The following FGGY variants were observed in gnomAD, a reference collection of about 807,000 sequenced individuals.
FGGY encodes FGGY carbohydrate kinase domain-containing protein.
A neutral mutation model predicts 71.3 loss-of-function variants in FGGY; 72 were observed. The observed-to-expected ratio is 1.01, with a 90% CI of 0.84 to 1.23. FGGY has a LOEUF of 1.23. Among genes scored for constraint, FGGY ranks in the 50% most tolerant of loss-of-function variants. The pLI, the probability that FGGY is intolerant of heterozygous loss-of-function variation, is 0.00. For synonymous variants in FGGY, 251 were observed against 250.3 expected (o/e 1.00, Z -0.02); for missense variants, 668 against 682.3 (o/e 0.98, Z 0.23).
chr1:59,507,910 C>A (rs72915688), intron 6 of FGGY, among the ~76,000 whole-genome samples: 2,787 of 152,128 alleles, frequency 0.018, 98 homozygotes, highest in African/African-American at 0.065. Context: ...TGCCTGGCCA[C>A]GCCTGAAGCC....
At chr1:59,475,585 G>A (rs918506573) in intron 6 of FGGY, among the ~76,000 whole-genome samples, 2 of 152,194 alleles carry the variant, frequency 1.3e-5, no homozygotes, top group African/African-American at 4.8e-5. Flanking sequence ...AGTAGAAGGT[G>A]TCACAATTCT....
At chr1:59,649,794 A>G (rs1428399284) in intron 11 of FGGY, among the ~76,000 whole-genome samples, 3 of 142,312 alleles carry the variant, frequency 2.1e-5, no homozygotes, top group Non-Finnish European at 3.0e-5. Context: ...TGTGTTGAAT[A>G]GGAGTGGTGA....
Position 59,674,112 on chromosome 1 carries a change from AG to A in FGGY, c.1495del (p.Asp499IlefsTer12), listed in dbSNP as rs2097410191. Reference sequence around the variant, plus strand: ...CTGCTGTTCTGGGTGCCTGTGCCTCAGGGGATTTCGCTTCTGTACAGGTATG... The same window carrying A: ...CTGCTGTTCTGGGTGCCTGTGCCTCAGGGATTTCGCTTCTGTACAGGTATG... ...GAAVLGACASGDFASVQEAMA... is the reference protein window; with the variant it reads ...GAAVLGACASXDFASVQEAMA... On this transcript the variant is annotated frameshift_variant, in exon 14 of 16. Transcript: ENST00000303721. LOFTEE classifies it high-confidence loss of function. The A allele has an allele frequency of 6.2e-7, 1 of 1,613,828 alleles. No homozygotes were observed.
intron 8 of FGGY, among the ~76,000 whole-genome samples, chr1:59,596,267 C>T (rs1168064360): frequency 6.6e-6 from 1 of 151,152 alleles, no homozygotes; most frequent in African/African-American, 2.4e-5. Flanking sequence ...GGAAAAGATA[C>T]CACCAAAATG....
intron 8 of FGGY, among the ~76,000 whole-genome samples, chr1:59,571,067 G>A (rs1393730343): frequency 6.6e-6 from 1 of 152,140 alleles, no homozygotes; most frequent in African/African-American, 2.4e-5. Flanking sequence ...CCCATCTGTG[G>A]ACCCCTGGGT....
At chr1:59,464,052 C>G (rs1047327504) in intron 6 of FGGY, among the ~76,000 whole-genome samples, 5 of 152,324 alleles carry the variant, frequency 3.3e-5, no homozygotes, top group Middle Eastern at 3.4e-3. Context: ...CCCTAATCAA[C>G]AGAATATATG....
intron 1 of FGGY, among the ~76,000 whole-genome samples, chr1:59,311,041 T>G (rs2044221528): frequency 6.6e-6 from 1 of 152,146 alleles, no homozygotes; most frequent in Admixed American, 6.5e-5. Flanking sequence ...GTAGGATTTA[T>G]CGTGACATCA....
chr1:59,585,634 C>A (rs36184342), intron 8 of FGGY, among the ~76,000 whole-genome samples: 3,172 of 152,164 alleles, frequency 0.021, 55 homozygotes, highest in Non-Finnish European at 0.035. Context: ...TCTAAAACAC[C>A]AAAAGCAATG....
chr1:59,519,755 A>G (rs1395926996), intron 7 of FGGY, among the ~76,000 whole-genome samples: 2 of 152,238 alleles, frequency 1.3e-5, no homozygotes, highest in African/African-American at 4.8e-5. Flanking sequence ...CCTCACGATA[A>G]GCCTACAAGG....
At chr1:59,454,005 T>C (rs2091445470) in intron 5 of FGGY, among the ~76,000 whole-genome samples, 1 of 152,118 alleles carries the variant, frequency 6.6e-6, no homozygotes, top group African/African-American at 2.4e-5. Flanking sequence ...ATTTTAAACT[T>C]ACAATGGTAC....
At chr1:59,344,636 A>G (rs1570700755) in intron 3 of FGGY, among the ~76,000 whole-genome samples, 1 of 152,136 alleles carries the variant, frequency 6.6e-6, no homozygotes, top group Admixed American at 6.5e-5. Flanking sequence ...ACCCACAGAT[A>G]CTCAAGTCCC....
chr1:59,447,944 G>A (rs1572262698), intron 5 of FGGY, among the ~76,000 whole-genome samples: 1 of 152,148 alleles, frequency 6.6e-6, no homozygotes, highest in African/African-American at 2.4e-5. Context: ...GGTCACATGG[G>A]ATCTAATTAC....
intron 11 of FGGY, among the ~76,000 whole-genome samples, chr1:59,645,626 T>C (rs113558022): frequency 2.0e-5 from 3 of 152,216 alleles, no homozygotes; most frequent in African/African-American, 7.2e-5. Context: ...TTTCAAAGAG[T>C]CCTTGCCGTC....
intron 4 of FGGY, among the ~76,000 whole-genome samples, chr1:59,375,591 A>G (rs2058533594): frequency 2.6e-5 from 4 of 152,176 alleles, no homozygotes; most frequent in Non-Finnish European, 2.9e-5. Flanking sequence ...TTATGTGAGG[A>G]GTACTTCAGA....
intron 4 of FGGY, among the ~76,000 whole-genome samples, chr1:59,373,961 C>G (rs533771745): frequency 7.2e-5 from 11 of 152,268 alleles, no homozygotes; most frequent in East Asian, 3.9e-4. Context: ...CTAGAAGAAA[C>G]CCAGGCAATA....
chr1:59,670,798 G>T (rs140117418), intron 13 of FGGY, among the ~76,000 whole-genome samples: 2 of 152,148 alleles, frequency 1.3e-5, no homozygotes, highest in Admixed American at 1.3e-4. Flanking sequence ...CAGGGAGAGC[G>T]GGGCCTTGCC....
At chr1:59,462,550 A>C (rs535130578) in intron 6 of FGGY, among the ~76,000 whole-genome samples, 2 of 152,324 alleles carry the variant, frequency 1.3e-5, no homozygotes, top group South Asian at 4.2e-4. Context: ...AATTTTCGCA[A>C]CCTACTTATC....
chr1:59,662,775 A>G (rs1199670236), intron 12 of FGGY, among the ~76,000 whole-genome samples: 2 of 152,224 alleles, frequency 1.3e-5, no homozygotes, highest in Non-Finnish European at 2.9e-5. Context: ...CTAGGTATGT[A>G]GTAGGCTATA....
chr1:59,306,523 A>G (rs553858641), intron 1 of FGGY, among the ~76,000 whole-genome samples: 1 of 152,330 alleles, frequency 6.6e-6, no homozygotes, highest in African/African-American at 2.4e-5. Context: ...AATCGTGTGG[A>G]GAAGCCTGCC....
Sources: gnomAD v4.1 joint callset for allele counts (sites outside exome capture counted in the v4.1 genomes callset) on GRCh38, gnomAD v4.1.1 for gene constraint, MANE v1.5 for transcripts, NCBI Gene and HGNC (gene_info 2026-07-23, HGNC 2026-07-21) for gene names.